The following CMTM4 variants were observed in gnomAD, a reference collection of about 807,000 sequenced individuals.
CMTM4 encodes the protein CKLF like MARVEL transmembrane domain containing 4.
In CMTM4, 8 loss-of-function variants were observed where a neutral mutation model predicts 19.0. The observed-to-expected ratio is 0.42, with a 90% CI of 0.25 to 0.76. The LOEUF (loss-of-function observed/expected upper bound fraction) is 0.76. Ranked by LOEUF, CMTM4 falls within the 30% of genes least tolerant of loss-of-function variation. The pLI is 0.27. For missense variants in CMTM4, 228 were observed against 290.2 expected (o/e 0.79, Z 1.56); for synonymous variants, 106 against 121.1 (o/e 0.88, Z 0.82).
chr16:66,667,342 TAAAAAATA>T (rs1201280373), intron 1 of CMTM4, among the ~76,000 whole-genome samples: 3 of 151,280 alleles, frequency 2.0e-5, no homozygotes, highest in Admixed American at 6.6e-5. Context: ...TAAAATAAAA[TAAAAAATA>T]AAAAAATAAA....
At position 66,620,677 on chromosome 16, in the gene CMTM4, A is replaced by T; in HGVS notation, c.*1381T>A. The T allele has an allele frequency of 1.0e-6, 1 of 985,854 alleles. No individual in the cohort carries two copies. The highest frequency in any genetic ancestry group is 1.2e-6 in the Non-Finnish European group (1 of 829,944). The allele number at this position is 985,854 out of a possible 1,614,324, so 61.1% of individuals were successfully genotyped here. ...TTGGGGATTTCTCCATGTTACTGCA[A>T]AATCTTCCTGCCACAGTAAGTGCTT... On this transcript the variant is annotated 3_prime_UTR_variant, in exon 4 of 4. Coordinates refer to ENST00000394106, the MANE Select transcript of CMTM4 (RefSeq NM_181521.3).
chr16:66,644,358 C>A (rs781422078), intron 1 of CMTM4, among the ~76,000 whole-genome samples: 7 of 152,086 alleles, frequency 4.6e-5, no homozygotes, highest in Non-Finnish European at 1.0e-4. Context: ...TTGTGTACAC[C>A]GAAATGTCAG....
intron 1 of CMTM4, among the ~76,000 whole-genome samples, chr16:66,673,012 T>C (rs355934): frequency 0.11 from 14,525 of 128,960 alleles, 1,016 homozygotes; most frequent in East Asian, 0.27. Context: ...CAGGTTCAAG[T>C]GATTCTCCTG....
At position 66,621,510 on chromosome 16, in the gene CMTM4, T is replaced by C. The variant is rs1003276264; in HGVS notation, c.*548A>G. ...TTGAGTCAGAGGTCCCTGGGAGCCATCCTAACAGGACATCAGCTTTCCCCA... is the reference window on the plus strand; with the variant it reads ...TTGAGTCAGAGGTCCCTGGGAGCCACCCTAACAGGACATCAGCTTTCCCCA... On this transcript the variant is annotated 3_prime_UTR_variant, in exon 4 of 4. Coordinates refer to ENST00000394106, the MANE Select transcript of CMTM4 (RefSeq NM_181521.3). The C allele has an allele frequency of 7.1e-6, 7 of 986,210 alleles. No individual in the cohort carries two copies. The highest frequency in any genetic ancestry group is 1.7e-5 in the African/African-American group (1 of 57,228). 61.1% of individuals were successfully genotyped at this position (986,210 alleles called of 1,614,324 possible). A position where few individuals can be genotyped will look rare whatever the true frequency, so the allele number is the denominator to read the frequency against.
chr16:66,610,963 C>T (rs917103725), downstream of CMTM4: 5 of 398,388 alleles, frequency 1.3e-5, no homozygotes, highest in Non-Finnish European at 2.2e-5. This position sits in a 1 kb window ranked among gnomAD's most constrained non-coding sequence, Gnocchi z 4.6. Context: ...AGCTCCCAGG[C>T]GGTTTCCTCA....
At chr16:66,646,127 G>C (rs903270203) in intron 1 of CMTM4, among the ~76,000 whole-genome samples, 1 of 152,128 alleles carries the variant, frequency 6.6e-6, no homozygotes, top group Non-Finnish European at 1.5e-5. Context: ...AGAAAGAACA[G>C]AGTACAGCAC....
At chr16:66,661,414 TGTCA>T (rs2016496766) in intron 1 of CMTM4, among the ~76,000 whole-genome samples, 1 of 152,206 alleles carries the variant, frequency 6.6e-6, no homozygotes, top group African/African-American at 2.4e-5. Context: ...GCTAAACGCT[TGTCA>T]GTTAAGGATG....
At chr16:66,683,176 C>CATATATAT (rs71378404) in intron 1 of CMTM4, among the ~76,000 whole-genome samples, 3 of 106,048 alleles carry the variant, frequency 2.8e-5, no homozygotes, top group East Asian at 6.0e-4. Flanking sequence ...TATATATATA[C>CATATATAT]ATATGTATAT....
At chr16:66,610,089 G>T, downstream of CMTM4, 1 of 1,544,320 alleles carries the variant, frequency 6.5e-7, no homozygotes, top group South Asian at 1.2e-5. The surrounding 1 kb of genome is among the most constrained non-coding windows in gnomAD (Gnocchi z 4.6). Context: ...AGGCTGGGGT[G>T]GGATCATTTC....
chr16:66,606,115 A>T, the CMTM4 span, among the ~76,000 whole-genome samples: 1 of 151,772 alleles, frequency 6.6e-6, no homozygotes, highest in Non-Finnish European at 1.5e-5. Flanking sequence ...AGATGTCAGG[A>T]ATCCAGGTCA....
downstream of CMTM4, among the ~76,000 whole-genome samples, chr16:66,614,438 G>A (rs2015487871): frequency 6.6e-6 from 1 of 152,158 alleles, no homozygotes; most frequent in South Asian, 2.1e-4. This position sits in a 1 kb window ranked among gnomAD's most constrained non-coding sequence, Gnocchi z 4.9. Context: ...CTACAGCCCT[G>A]GAGGACCCGG....
downstream of CMTM4, chr16:66,612,716 C>T (rs2015428040): frequency 4.2e-6 from 6 of 1,435,244 alleles, no homozygotes; most frequent in Admixed American, 1.8e-5. The surrounding 1 kb of genome is among the most constrained non-coding windows in gnomAD (Gnocchi z 6.0). Context: ...GGCGTTGGAG[C>T]GGAGGCCTGG....
intron 1 of CMTM4, among the ~76,000 whole-genome samples, chr16:66,652,683 T>C (rs1467557329): frequency 1.3e-5 from 2 of 152,188 alleles, no homozygotes; most frequent in Admixed American, 6.6e-5. Context: ...CCAATTAAAA[T>C]AGGTTTATTT....
chr16:66,620,807 A>G lies in CMTM4; in HGVS notation c.*1251T>C, dbSNP rs1037772602. 33 of 985,378 alleles carry G rather than the reference A, an allele frequency of 3.3e-5. No individual in the cohort carries two copies. In the African/African-American group the frequency reaches 5.6e-4, roughly 17 times the overall value. 61.0% of individuals were successfully genotyped at this position (985,378 alleles called of 1,614,324 possible). A position where few individuals can be genotyped will look rare whatever the true frequency, so the allele number is the denominator to read the frequency against. ...TGACAAACTAAAACAACTTTTTTCC[A>G]TAAAAGATATAATTACTCTCTAATT... On this transcript the variant is annotated 3_prime_UTR_variant, in exon 4 of 4. Transcript: ENST00000394106.
At position 66,636,479 on chromosome 16, in the gene CMTM4, C is replaced by A. The variant is rs761333019; in HGVS notation, c.289G>T (p.Val97Leu). The change falls in exon 2 of 4, where the codon GTG becomes TTG. Residue 97 changes from valine (V) to leucine (L), a missense_variant. Around this residue, in one of 3 missense-constraint regions of CMTM4, gnomAD observed 200 missense variants for 226.6 expected, o/e 0.88. Coordinates refer to ENST00000394106, the MANE Select transcript of CMTM4 (RefSeq NM_181521.3). The stretch of plus-strand genomic sequence containing the variant: ...AACATAATCAGCAAGACGCCAGTCA[C>A]CACAAACGCACTGCAGCTCACAAAC... Reference protein sequence around the residue: ...FEFVSCSAFVVTGVLLIMFSL... With the variant: ...FEFVSCSAFVLTGVLLIMFSL... 1 of 1,614,144 alleles carries A rather than the reference C, an allele frequency of 6.2e-7. No individual in the cohort carries two copies. The highest frequency in any genetic ancestry group is 1.7e-5 in the Admixed American group (1 of 60,022).
chr16:66,604,226 G>C, the CMTM4 span: 1 of 152,410 alleles, frequency 6.6e-6, no homozygotes, highest in Non-Finnish European at 1.5e-5. Flanking sequence ...GCGGGTGCAG[G>C]ACCGAGGCCT....
the CMTM4 span, among the ~76,000 whole-genome samples, chr16:66,603,188 T>G: frequency 6.6e-6 from 1 of 152,220 alleles, no homozygotes; most frequent in Non-Finnish European, 1.5e-5. Context: ...TTAAGGCTGC[T>G]GGGCTGCTGT....
chr16:66,598,245 C>T, the CMTM4 span, among the ~76,000 whole-genome samples: 2 of 152,172 alleles, frequency 1.3e-5, no homozygotes, highest in Admixed American at 6.6e-5. Context: ...TGATGTCATC[C>T]TATGTGACAG....
intron 1 of CMTM4, among the ~76,000 whole-genome samples, chr16:66,694,630 T>G (rs1243868858): frequency 1.3e-5 from 2 of 150,498 alleles, no homozygotes; most frequent in African/African-American, 4.9e-5. Context: ...GGAGAATCGC[T>G]TGAACCCGGG....
Sources: gnomAD v4.1 joint callset for allele counts (sites outside exome capture counted in the v4.1 genomes callset) on GRCh38, gnomAD v4.1.1 for gene constraint, gnomAD v4.1.1 regional missense constraint, Gnocchi (gnomAD v3.1) non-coding constraint, MANE v1.5 for transcripts, NCBI Gene and HGNC (gene_info 2026-07-23, HGNC 2026-07-21) for gene names.